Variants in FRMD1 observed in about 807,000 individuals in gnomAD.
FRMD1 encodes FERM domain containing 1.
A neutral mutation model predicts 54.9 loss-of-function variants in FRMD1; 51 were observed. That is an observed-to-expected ratio of 0.93 (90% CI 0.74 to 1.17). The LOEUF (loss-of-function observed/expected upper bound fraction) is 1.17. Ranked by LOEUF, FRMD1 falls within the 50% of genes most tolerant of loss-of-function variation. The probability of loss-of-function intolerance (pLI) is 0.00; values close to 1 mark genes in which losing one functional copy is unlikely to be tolerated. For synonymous variants in FRMD1, 324 were observed against 306.4 expected, an observed-to-expected ratio of 1.06 and a Z score of -0.60; for missense variants, 729 against 743.0, an observed-to-expected ratio of 0.98 and a Z score of 0.22.
In FRMD1 at chr6:168,057,162, T is replaced by C; in HGVS notation, c.1585A>G (p.Arg529Gly). ...TCCAGGGCGAGACAGTTGCTGGACC[T>C]CTTGCTGGGGAGAGTGGCCCTGGTC... ...CETRATLPSK[R>G]SSNCLALDLF... is the part of the protein sequence containing the mutation. The change falls in exon 11 of 11, where the codon AGG (arginine) becomes GGG (glycine). Residue 529 changes from arginine to glycine, a missense_variant. Transcript: ENST00000283309. The C allele has an allele frequency of 1.9e-6, 3 of 1,577,208 alleles. No individual in the cohort carries two copies.
At chr6:168,077,948 A>G (rs556679105) in intron 1 of FRMD1, among the ~76,000 whole-genome samples, 1 of 152,298 alleles carries the variant, frequency 6.6e-6, no homozygotes, top group South Asian at 2.1e-4. Context: ...TTTTGCCACA[A>G]ACATAGATGT....
At chr6:168,066,030 C>T (rs41266311) in intron 4 of FRMD1, 11,224 of 1,000,176 alleles carry the variant, frequency 0.011, 91 homozygotes, top group Non-Finnish European at 0.012. Flanking sequence ...AGATGTACAA[C>T]TTACCCACTC....
intron 10 of FRMD1, among the ~76,000 whole-genome samples, chr6:168,058,270 AG>A (rs1799521354): frequency 5.0e-5 from 1 of 19,880 alleles, no homozygotes; most frequent in Non-Finnish European, 1.3e-4. Context: ...CTCTCCATCC[AG>A]CCTCCCGTGC....
intron 1 of FRMD1, among the ~76,000 whole-genome samples, chr6:168,089,339 T>G (rs1384190110): frequency 6.6e-6 from 1 of 152,184 alleles, no homozygotes; most frequent in Non-Finnish European, 1.5e-5. Context: ...TAGAGAACGT[T>G]TTTGTGGAGC....
chr6:168,078,990 A>G lies in FRMD1; in HGVS notation c.105T>C (p.Pro35=). ...ARCMEPSPER[P]ACSQQEPTLG... Reference sequence around the variant, plus strand: ...GGGTCGGCTCCTGCTGACTGCATGCAGGCCTCTCAGGACTGGGTTCCATAC... The same window carrying G: ...GGGTCGGCTCCTGCTGACTGCATGCGGGCCTCTCAGGACTGGGTTCCATAC... The change falls in exon 1 of 11, where the codon CCT becomes CCC. Residue 35 remains proline (P), a synonymous_variant. Coordinates refer to ENST00000283309, the MANE Select transcript of FRMD1 (RefSeq NM_024919.6). 6.2e-7 allele frequency: 1 copy of G among 1,612,294 alleles called. No individual in the cohort carries two copies. Among genetic ancestry groups the G allele is most frequent in the South Asian group, 1.1e-5 (1 of 91,066 alleles).
chr6:168,085,647 C>CCACCA (rs1800904918), upstream of FRMD1, among the ~76,000 whole-genome samples: 2 of 152,346 alleles, frequency 1.3e-5, no homozygotes, highest in South Asian at 4.1e-4. Flanking sequence ...AAGGGCGTGG[C>CCACCA]CACCAGCATG....
chr6:168,066,414 C>T (rs1402177034), intron 4 of FRMD1: 1 of 546,400 alleles, frequency 1.8e-6, no homozygotes, highest in Non-Finnish European at 2.4e-6. Context: ...AGAAGAATCG[C>T]TTGAACCCAG....
At chr6:168,067,192 A>C (rs936021911) in intron 3 of FRMD1, 175 bp downstream of exon 3, 1 of 672,070 alleles carries the variant, frequency 1.5e-6, no homozygotes, top group Non-Finnish European at 2.7e-6. Context: ...GCCCTCTCCC[A>C]CCCCACGCAT....
intron 4 of FRMD1, chr6:168,065,550 T>C: frequency 2.0e-6 from 2 of 987,272 alleles, no homozygotes; most frequent in Non-Finnish European, 2.4e-6. Context: ...CAAGATCTTC[T>C]CATATAATTC....
intron 1 of FRMD1, chr6:168,075,896 C>CGTGTCCACATTTCCGGTGCCCG (rs1210498192): frequency 1.6e-6 from 1 of 624,594 alleles, no homozygotes; most frequent in African/African-American, 1.9e-5. Context: ...TCCGGCGTCC[C>CGTGTCCACATTTCCGGTGCCCG]GTGTCCACAT....
chr6:168,066,813 C>G lies in FRMD1; in HGVS notation c.403G>C (p.Ala135Pro), dbSNP rs370937469. ...ACTCGGAGGAAGGCCACGAAGGGGG[C>G]TCTGGGTTTCTCATTTCCCTAGTGG... ...ERNEGNEKPR[A>P]PFVAFLRVQH... The change falls in exon 4 of 11, where the codon GCC becomes CCC. Residue 135 changes from alanine (A) to proline (P), a missense_variant. Physicochemically the swap from Ala to Pro is conservative, Grantham distance 27 (BLOSUM62 -1). Transcript: ENST00000283309. 4.3e-6 allele frequency: 7 copies of G among 1,613,664 alleles called. No individual in the cohort carries two copies. The African/African-American group carries it at 6.7e-5, about 15-fold the overall frequency.
rs891897095 is a variant in FRMD1, at chr6:168,058,980, G to A, written c.1407+144C>T. The A allele has an allele frequency of 4.3e-5, 28 of 646,926 alleles. No individual in the cohort carries two copies. The African/African-American group carries it at 4.5e-4, about 11-fold the overall frequency. The allele number at this position is 646,926 out of a possible 1,614,324, so 40.1% of individuals were successfully genotyped here. ...GTGCCCGAGAGCCTTGCTGCTCCCT[G>A]ACTTGCCCGCTGCGTCTCTGGGGAT... is the stretch of plus-strand genomic sequence containing the variant. On this transcript the variant is annotated intron_variant, in intron 10 of 10. Coordinates refer to ENST00000283309, the MANE Select transcript of FRMD1 (RefSeq NM_024919.6).
At position 168,079,105 on chromosome 6, in the gene FRMD1, C is replaced by A. The variant is rs200014495; in HGVS notation, c.-11G>T. The A allele has an allele frequency of 4.2e-5, 67 of 1,587,552 alleles. 1 individual carries two copies. The highest frequency in any genetic ancestry group is 1.2e-5 in the Non-Finnish European group (14 of 1,170,470). On this transcript the variant is annotated 5_prime_UTR_variant, in exon 1 of 11. Coordinates refer to ENST00000283309, the MANE Select transcript of FRMD1 (RefSeq NM_024919.6). The stretch of plus-strand genomic sequence containing the variant: ...CGGGGGCACCGCCATGCTGTCGTTA[C>A]TCGGCCCTCCCCCGCCATGGGTCGC...
At chr6:168,088,856 ACCGGCC>A (rs1800966676) in intron 1 of FRMD1, among the ~76,000 whole-genome samples, 1 of 151,950 alleles carries the variant, frequency 6.6e-6, no homozygotes, top group Non-Finnish European at 1.5e-5. Flanking sequence ...CGTGTGACCC[ACCGGCC>A]TGCCTGTCAA....
Position 168,063,627 on chromosome 6 carries a change from G to A in FRMD1, c.778C>T (p.Pro260Ser). ...TTGTGCAGCCTGAAGAAGTGCACGG[G>A]CACGTCCTCCAGCCGGCAGGCCTCC... Reference protein sequence around the residue: ...IQEACRLEDVPVHFFRLHKDK... With the variant: ...IQEACRLEDVSVHFFRLHKDK... The change falls in exon 6 of 11, where the codon CCC becomes TCC. Residue 260 changes from proline (P) to serine (S), a missense_variant. By Grantham distance (74) the Pro-to-Ser change is moderately conservative. Coordinates refer to ENST00000283309, the MANE Select transcript of FRMD1 (RefSeq NM_024919.6). 6.2e-7 allele frequency: 1 copy of A among 1,612,994 alleles called. No homozygotes were observed. Among genetic ancestry groups the A allele is most frequent in the South Asian group, 1.1e-5 (1 of 90,986 alleles).
Position 168,059,183 on chromosome 6 carries a change from G to A in FRMD1, c.1348C>T (p.Arg450Cys), listed in dbSNP as rs1166376409. Residue 450 changes from arginine to cysteine, a missense_variant, in exon 10 of 11, where the codon CGT (arginine) becomes TGT (cysteine). Physicochemically the swap from Arg to Cys is radical, Grantham distance 180. Coordinates refer to ENST00000283309, the MANE Select transcript of FRMD1 (RefSeq NM_024919.6). This position sits in a 1 kb window ranked among gnomAD's most constrained non-coding sequence, Gnocchi z 4.4. The stretch of plus-strand genomic sequence containing the variant: ...CTGACCTGGGTGCAGGGCTCCTGAC[G>A]AGTGGCTGTGGGAGGAGGCAGCCGT... ...PSTRGDSQAT[R>C]QEPCTQVRTR... 17 of 1,584,662 alleles carry A rather than the reference G, an allele frequency of 1.1e-5. No homozygotes were observed. The highest frequency in any genetic ancestry group is 5.4e-5 in the African/African-American group (4 of 74,634).
chr6:168,059,908 G>C lies in FRMD1; in HGVS notation c.1343-720C>G, dbSNP rs539981652. The stretch of plus-strand genomic sequence containing the variant: ...GTCCTAGAACACTCTGAATGGCTCT[G>C]TCTTCTCACTCCTACTCAACTGAGT... On this transcript the variant is annotated intron_variant, in intron 9 of 10. Coordinates refer to ENST00000283309, the MANE Select transcript of FRMD1 (RefSeq NM_024919.6). This position sits in a 1 kb window ranked among gnomAD's most constrained non-coding sequence, Gnocchi z 4.4. 1.3e-3 allele frequency among the ~76,000 whole-genome samples: 190 copies of C among 151,992 alleles called. 3 individuals carry two copies. The highest frequency in any genetic ancestry group is 2.0e-3 in the Non-Finnish European group (135 of 67,982).
At chr6:168,066,068 C>T in intron 4 of FRMD1, 1 of 999,334 alleles carries the variant, frequency 1.0e-6, no homozygotes, top group Non-Finnish European at 1.2e-6. Flanking sequence ...CCACTAGACA[C>T]CTGCAGAGTG....
intron 1 of FRMD1, 61 bp downstream of exon 1, chr6:168,078,821 C>T (rs1445512569): frequency 2.4e-6 from 3 of 1,234,730 alleles, no homozygotes; most frequent in East Asian, 6.1e-5. Flanking sequence ...CACGGCCACC[C>T]GGAGCCCTGC....
Sources: allele counts gnomAD v4.1 joint callset (sites outside exome capture counted in the v4.1 genomes callset), GRCh38; gene constraint gnomAD v4.1.1; non-coding constraint Gnocchi (gnomAD v3.1); transcripts MANE v1.5; gene names NCBI Gene and HGNC (gene_info 2026-07-23, HGNC 2026-07-21).